Variants in OXR1 observed in about 807,000 individuals in gnomAD.
OXR1 encodes the protein oxidation resistance protein 1.
In OXR1, 41 loss-of-function variants were observed where a neutral mutation model predicts 104.6. That is an observed-to-expected ratio of 0.39 (90% CI 0.31 to 0.51). The LOEUF (loss-of-function observed/expected upper bound fraction) is 0.51. Among genes scored for constraint, OXR1 ranks in the 20% least tolerant of loss-of-function variants. The pLI is 0.77. For synonymous variants in OXR1, 348 were observed against 348.4 expected (o/e 1.00, Z 0.01); for missense variants, 955 against 1,031.9 (o/e 0.93, Z 1.02).
At chr8:106,457,254 A>T (rs544836220) in intron 2 of OXR1, among the ~76,000 whole-genome samples, 1 of 152,164 alleles carries the variant, frequency 6.6e-6, no homozygotes, top group Non-Finnish European at 1.5e-5. Flanking sequence ...TTTCTGATAA[A>T]AAGATGATTT....
intron 11 of OXR1, among the ~76,000 whole-genome samples, chr8:106,714,368 A>C (rs1340939066): frequency 1.3e-5 from 2 of 152,032 alleles, no homozygotes; most frequent in African/African-American, 4.8e-5. Context: ...TCCTCCATGG[A>C]GGAGGTACGG....
intron 2 of OXR1, among the ~76,000 whole-genome samples, chr8:106,474,996 C>A (rs934026624): frequency 6.6e-6 from 1 of 151,896 alleles, no homozygotes; most frequent in African/African-American, 2.4e-5. Context: ...CATTTCTGTG[C>A]CTGTTTCCTT....
intron 2 of OXR1, among the ~76,000 whole-genome samples, chr8:106,506,635 A>C (rs535358414): frequency 1.3e-5 from 2 of 152,108 alleles, no homozygotes; most frequent in South Asian, 2.1e-4. Flanking sequence ...AGTCTTCAGG[A>C]TATAAATGTT....
At chr8:106,499,818 T>C (rs1811662932) in intron 2 of OXR1, among the ~76,000 whole-genome samples, 1 of 152,220 alleles carries the variant, frequency 6.6e-6, no homozygotes, top group African/African-American at 2.4e-5. Flanking sequence ...AATAGGAGCA[T>C]GTGTGGTAGA....
At chr8:106,371,494 G>T (rs1816705818) in intron 2 of OXR1, among the ~76,000 whole-genome samples, 1 of 152,044 alleles carries the variant, frequency 6.6e-6, no homozygotes, top group Admixed American at 6.6e-5. Flanking sequence ...TTAGGGTGTT[G>T]ATTTGAGATC....
chr8:106,508,783 T>C (rs1308517712), intron 2 of OXR1, among the ~76,000 whole-genome samples: 3 of 152,194 alleles, frequency 2.0e-5, no homozygotes, highest in Non-Finnish European at 4.4e-5. Flanking sequence ...TCTTTTCCTG[T>C]CTTTTGTGTC....
At chr8:106,415,754 C>T (rs1195867833) in intron 2 of OXR1, among the ~76,000 whole-genome samples, 1 of 152,212 alleles carries the variant, frequency 6.6e-6, no homozygotes, top group African/African-American at 2.4e-5. Context: ...TCTTTGTCTG[C>T]ATTCCAATAT....
rs1586484115 is a variant in OXR1, at chr8:106,294,129, G to A, written c.-139+23762G>A. Among the ~76,000 whole-genome samples the A allele has an allele frequency of 2.0e-5, 3 of 151,902 alleles. No individual in the cohort carries two copies. In the East Asian group the frequency reaches 5.8e-4, roughly 29 times the overall value. On this transcript the variant is annotated intron_variant, in intron 1 of 16. Coordinates refer to ENST00000517566, the MANE Select transcript of OXR1 (RefSeq NM_001198533.2). ...AAAGGCCAGGGACAATGGCTTAAAT[G>A]TCTGTAGTCCCGTCTGTATTCCTGG...
chr8:106,681,366 T>G (rs1828132680), intron 4 of OXR1, among the ~76,000 whole-genome samples: 1 of 152,198 alleles, frequency 6.6e-6, no homozygotes, highest in African/African-American at 2.4e-5. Context: ...ATTATTATTG[T>G]ATTAACCCAA....
At chr8:106,290,055 A>T (rs1812684772) in intron 1 of OXR1, among the ~76,000 whole-genome samples, 1 of 152,142 alleles carries the variant, frequency 6.6e-6, no homozygotes, top group Non-Finnish European at 1.5e-5. Flanking sequence ...TTCCTTCTTA[A>T]ATTACCCAGT....
At chr8:106,286,795 A>G (rs774502867) in intron 1 of OXR1, among the ~76,000 whole-genome samples, 4 of 152,216 alleles carry the variant, frequency 2.6e-5, no homozygotes, top group Admixed American at 1.3e-4. Context: ...TCTAAGGTCT[A>G]TTGTTCAACG....
chr8:106,297,002 C>T (rs1393255665), intron 1 of OXR1, among the ~76,000 whole-genome samples: 1 of 152,156 alleles, frequency 6.6e-6, no homozygotes, highest in African/African-American at 2.4e-5. Context: ...TAACGCTACT[C>T]AACATTATCA....
chr8:106,702,772 T>G, intron 7 of OXR1, 134 bp from the exon 8 acceptor site: 13 of 621,778 alleles, frequency 2.1e-5, no homozygotes, highest in Non-Finnish European at 3.4e-5. Context: ...AATGGTTTCA[T>G]GAGAATGCCA....
chr8:106,728,080 A>G (rs1217267806), intron 11 of OXR1, among the ~76,000 whole-genome samples: 3 of 152,110 alleles, frequency 2.0e-5, no homozygotes, highest in African/African-American at 7.2e-5. Context: ...GTTTTAAAGC[A>G]GAGATTCTAG....
chr8:106,311,962 T>A (rs959600795), intron 1 of OXR1, among the ~76,000 whole-genome samples: 1 of 152,152 alleles, frequency 6.6e-6, no homozygotes, highest in Non-Finnish European at 1.5e-5. Flanking sequence ...CATTGTTCTT[T>A]TGGGCCTCTG....
intron 6 of OXR1, 142 bp from the exon 7 acceptor site, chr8:106,692,586 A>C (rs748595204): frequency 2.3e-5 from 11 of 469,608 alleles, no homozygotes; most frequent in Non-Finnish European, 4.1e-5. Flanking sequence ...TGTACGTAAA[A>C]ATATTTCGGG....
At chr8:106,598,529 C>G (rs1819699723) in intron 3 of OXR1, among the ~76,000 whole-genome samples, 1 of 152,180 alleles carries the variant, frequency 6.6e-6, no homozygotes, top group Non-Finnish European at 1.5e-5. Flanking sequence ...GGAAGCAAGC[C>G]CAGTGTGCTC....
intron 1 of OXR1, among the ~76,000 whole-genome samples, chr8:106,332,810 T>G (rs1313826664): frequency 6.6e-6 from 1 of 152,156 alleles, no homozygotes; most frequent in Non-Finnish European, 1.5e-5. Flanking sequence ...GACACCATAT[T>G]CTACTTTCTG....
intron 1 of OXR1, among the ~76,000 whole-genome samples, chr8:106,320,424 G>A (rs1023081863): frequency 4.6e-5 from 7 of 152,100 alleles, no homozygotes; most frequent in Admixed American, 1.3e-4. Context: ...AGGGGGAATC[G>A]TTGTGATAAC....
Sources: gnomAD v4.1 joint callset for allele counts (sites outside exome capture counted in the v4.1 genomes callset) on GRCh38, gnomAD v4.1.1 for gene constraint, MANE v1.5 for transcripts, NCBI Gene and HGNC (gene_info 2026-07-23, HGNC 2026-07-21) for gene names.